PCNX2: variants seen among roughly 807,000 people sequenced by gnomAD.
PCNX2 encodes pecanex 2.
Under a neutral mutation model 223.8 loss-of-function variants are expected in PCNX2, and 168 were observed. The ratio of observed to expected loss-of-function variants is 0.75; its 90% CI spans 0.66 to 0.85. PCNX2 has a LOEUF of 0.85. Ranked by LOEUF, PCNX2 falls within the 40% of genes least tolerant of loss-of-function variation. PCNX2 has a pLI of 0.00. For missense variants in PCNX2, 2,507 were observed against 2,675.5 expected (o/e 0.94, Z 1.39); for synonymous variants, 1,006 against 1,052.6 (o/e 0.96, Z 0.86).
At chr1:233,179,260 A>C in intron 15 of PCNX2, 85 bp from the exon 16 acceptor site, 1 of 1,375,792 alleles carries the variant, frequency 7.3e-7, no homozygotes, top group Non-Finnish European at 1.0e-6. Flanking sequence ...AATATCCCCA[A>C]GGTCCAGCTG....
At chr1:233,138,467 T>C (rs1479085037) in intron 20 of PCNX2, among the ~76,000 whole-genome samples, 2 of 152,180 alleles carry the variant, frequency 1.3e-5, no homozygotes, top group Admixed American at 6.5e-5. Context: ...TACTCTGGCT[T>C]TGAATATGTG....
the PCNX2 span, among the ~76,000 whole-genome samples, chr1:233,300,852 G>T: frequency 3.9e-5 from 6 of 152,148 alleles, no homozygotes; most frequent in East Asian, 5.8e-4. Flanking sequence ...CTAGTGAAGA[G>T]GTGATCTTGC....
At chr1:233,031,522 G>A (rs541187358) in intron 25 of PCNX2, among the ~76,000 whole-genome samples, 1 of 152,230 alleles carries the variant, frequency 6.6e-6, no homozygotes, top group Non-Finnish European at 1.5e-5. Flanking sequence ...GAAAGGCTAT[G>A]TTTAGACCAA....
chr1:233,109,148 G>A (rs532073869), intron 21 of PCNX2, among the ~76,000 whole-genome samples: 2 of 152,226 alleles, frequency 1.3e-5, no homozygotes, highest in African/African-American at 4.8e-5. Context: ...TCGCCAACTA[G>A]GTTCATTCAA....
chr1:233,244,028 A>C (rs931183541), intron 8 of PCNX2, among the ~76,000 whole-genome samples: 2 of 152,060 alleles, frequency 1.3e-5, no homozygotes, highest in African/African-American at 4.8e-5. Flanking sequence ...ACGGGGTTTC[A>C]CTATGTTGAT....
intron 19 of PCNX2, among the ~76,000 whole-genome samples, chr1:233,156,489 G>A (rs751590924): frequency 7.9e-5 from 12 of 152,160 alleles, no homozygotes; most frequent in Admixed American, 1.3e-4. Context: ...AGGAGTATGC[G>A]CTAGCTGACA....
intron 17 of PCNX2, among the ~76,000 whole-genome samples, chr1:233,170,259 C>G (rs1679071277): frequency 2.0e-5 from 3 of 152,158 alleles, no homozygotes; most frequent in Admixed American, 2.0e-4. Context: ...AATTCACACT[C>G]CCACCAGCAA....
chr1:233,131,135 AG>A (rs894966600), intron 21 of PCNX2, among the ~76,000 whole-genome samples: 4 of 152,146 alleles, frequency 2.6e-5, no homozygotes, highest in Non-Finnish European at 5.9e-5. Context: ...CCCTTCTGTG[AG>A]GGGGGCTGCC....
intron 8 of PCNX2, among the ~76,000 whole-genome samples, chr1:233,240,857 AACAG>A: frequency 6.6e-6 from 1 of 152,326 alleles, no homozygotes; most frequent in Admixed American, 6.5e-5. Context: ...TTCTACAAGC[AACAG>A]ACAGTCAAAA....
At chr1:233,278,273 T>C (rs898302247) in intron 1 of PCNX2, among the ~76,000 whole-genome samples, 3 of 152,192 alleles carry the variant, frequency 2.0e-5, no homozygotes, top group Non-Finnish European at 4.4e-5. Context: ...AAGGGCAAAC[T>C]GTGCCTGCCT....
chr1:233,177,698 C>T, intron 17 of PCNX2, 104 bp downstream of exon 17: 1 of 967,148 alleles, frequency 1.0e-6, no homozygotes, highest in Non-Finnish European at 1.6e-6. Flanking sequence ...ATCTTTCTGT[C>T]CTAGTCCTTC....
At chr1:233,248,142 T>G (rs1659235379) in intron 8 of PCNX2, among the ~76,000 whole-genome samples, 2 of 152,194 alleles carry the variant, frequency 1.3e-5, no homozygotes, top group Non-Finnish European at 2.9e-5. Context: ...TTGAACATTT[T>G]TCTCTTTACA....
chr1:232,998,222 G>C (rs774451814), intron 32 of PCNX2, 29 bp downstream of exon 32: 8 of 1,499,498 alleles, frequency 5.3e-6, no homozygotes, highest in African/African-American at 1.4e-5. Context: ...GGACTTCATC[G>C]ATAGTTTGGA....
chr1:233,248,605 C>T (rs1659266820), intron 8 of PCNX2, among the ~76,000 whole-genome samples: 1 of 152,120 alleles, frequency 6.6e-6, no homozygotes, highest in African/African-American at 2.4e-5. Flanking sequence ...TTTATCTAGA[C>T]ACTCCTGAAG....
chr1:232,998,668 C>G (rs1327662486), intron 31 of PCNX2, among the ~76,000 whole-genome samples: 2 of 152,186 alleles, frequency 1.3e-5, no homozygotes, highest in Non-Finnish European at 2.9e-5. Context: ...CCATAAGAAC[C>G]CTTAGCACTG....
intron 21 of PCNX2, among the ~76,000 whole-genome samples, chr1:233,134,252 T>G (rs1323294314): frequency 6.6e-6 from 1 of 152,166 alleles, no homozygotes; most frequent in Non-Finnish European, 1.5e-5. Context: ...GTTCCAAATT[T>G]CTTTCTATTT....
intron 9 of PCNX2, chr1:233,231,604 C>T (rs561196768): frequency 8.3e-6 from 8 of 962,106 alleles, no homozygotes; most frequent in Middle Eastern, 1.1e-3. Flanking sequence ...CTTCTCAGAA[C>T]GTATCTGTAG....
At chr1:233,216,488 A>G (rs781072050) in intron 12 of PCNX2, among the ~76,000 whole-genome samples, 4 of 152,222 alleles carry the variant, frequency 2.6e-5, no homozygotes, top group Non-Finnish European at 5.9e-5. Flanking sequence ...TAAAACCACA[A>G]TGAGCTATTA....
intron 26 of PCNX2, 85 bp from the exon 27 acceptor site, chr1:233,017,239 T>C: frequency 1.0e-6 from 1 of 995,910 alleles, no homozygotes; most frequent in Non-Finnish European, 1.5e-6. Flanking sequence ...AGGCATGAAA[T>C]CCCTACATGT....
Sources: gnomAD v4.1 joint callset for allele counts (sites outside exome capture counted in the v4.1 genomes callset) on GRCh38, gnomAD v4.1.1 for gene constraint, MANE v1.5 for transcripts, NCBI Gene and HGNC (gene_info 2026-07-23, HGNC 2026-07-21) for gene names.